CTNNA3: variants seen among roughly 807,000 people sequenced by gnomAD.
CTNNA3 encodes catenin alpha-3.
Under a neutral mutation model 95.7 loss-of-function variants are expected in CTNNA3, and 76 were observed. The ratio of observed to expected loss-of-function variants is 0.79; its 90% CI spans 0.66 to 0.96. The LOEUF is 0.96. Among genes scored for constraint, CTNNA3 ranks in the 40% least tolerant of loss-of-function variants. The probability of loss-of-function intolerance (pLI) is 0.00; values close to 1 mark genes in which losing one functional copy is unlikely to be tolerated. For synonymous variants in CTNNA3, 431 were observed against 374.4 expected, an observed-to-expected ratio of 1.15 and a Z score of -1.74; for missense variants, 1,191 against 1,089.8, an observed-to-expected ratio of 1.09 and a Z score of -1.31.
At chr10:66,635,238 A>T (rs1845294902) in intron 9 of CTNNA3, among the ~76,000 whole-genome samples, 1 of 152,166 alleles carries the variant, frequency 6.6e-6, no homozygotes, top group Admixed American at 6.5e-5. Context: ...GAAGTACCAA[A>T]GAGATGAAAC....
chr10:65,960,394 G>T (rs2077818781), intron 17 of CTNNA3, among the ~76,000 whole-genome samples: 1 of 151,984 alleles, frequency 6.6e-6, no homozygotes, highest in South Asian at 2.1e-4. Context: ...GCGCCGTGGG[G>T]GGCACCTGTA....
chr10:66,668,422 ATGTGTGTGTGTGTGTG>A (rs3055580), intron 9 of CTNNA3, among the ~76,000 whole-genome samples: 1 of 146,914 alleles, frequency 6.8e-6, no homozygotes, highest in Non-Finnish European at 1.5e-5. Flanking sequence ...CAACTCTCAT[ATGTGTGTGTGTGTGTG>A]TGTGTGTGTG....
chr10:67,648,278 C>T (rs1175779375), intron 1 of CTNNA3, among the ~76,000 whole-genome samples: 3 of 152,066 alleles, frequency 2.0e-5, no homozygotes, highest in South Asian at 2.1e-4. Context: ...GTCGGATTAA[C>T]GTTCAAAAAC....
In CTNNA3 at chr10:66,660,926, T is replaced by C. The variant is rs79475516; in HGVS notation, c.1282-39142A>G. Among the ~76,000 whole-genome samples the C allele has an allele frequency of 8.9e-3, 1,361 of 152,294 alleles. 20 individuals are homozygous for C. The highest frequency in any genetic ancestry group is 0.031 in the African/African-American group (1,277 of 41,560). On this transcript the variant is annotated intron_variant, in intron 9 of 17. Transcript: ENST00000433211. ...AGGGATTTCTGTATCTTTTATTCAA[T>C]ATTTTCCCAAGGCCTATGGCAACTA...
chr10:66,219,730 C>T (rs773611042), intron 13 of CTNNA3, among the ~76,000 whole-genome samples: 17 of 152,020 alleles, frequency 1.1e-4, no homozygotes, highest in Non-Finnish European at 2.5e-4. Flanking sequence ...ATTCTTGATC[C>T]ACAGAAACTT....
At chr10:66,392,585 C>T (rs148431810) in intron 11 of CTNNA3, among the ~76,000 whole-genome samples, 3 of 151,908 alleles carry the variant, frequency 2.0e-5, no homozygotes, top group Admixed American at 6.6e-5. Context: ...GCAAAAGATG[C>T]GAGCAGACAC....
At chr10:66,145,293 C>G (rs564686825) in intron 13 of CTNNA3, among the ~76,000 whole-genome samples, 96 of 152,188 alleles carry the variant, frequency 6.3e-4, no homozygotes, top group African/African-American at 2.2e-3. Flanking sequence ...CACACAAAGA[C>G]AAAGGGGAAT....
At chr10:67,370,969 C>T (rs1843418945) in intron 5 of CTNNA3, among the ~76,000 whole-genome samples, 1 of 149,156 alleles carries the variant, frequency 6.7e-6, no homozygotes, top group Admixed American at 6.6e-5. Flanking sequence ...CGGGTTCACG[C>T]CATTCTCCTG....
At chr10:67,099,016 A>G (rs1858176403) in intron 7 of CTNNA3, 1 of 151,852 alleles carries the variant, frequency 6.6e-6, no homozygotes, top group South Asian at 2.1e-4. Flanking sequence ...TTCAATATAG[A>G]TATGAGCCAT....
chr10:67,427,219 C>A (rs984810637), intron 5 of CTNNA3, among the ~76,000 whole-genome samples: 1 of 151,868 alleles, frequency 6.6e-6, no homozygotes, highest in African/African-American at 2.4e-5. Flanking sequence ...ACTGGGCACA[C>A]AGTATGGCTA....
At chr10:66,069,600 C>T (rs2080388335) in intron 14 of CTNNA3, 111 bp from the exon 15 acceptor site, 1 of 734,594 alleles carries the variant, frequency 1.4e-6, no homozygotes, top group Non-Finnish European at 2.2e-6. Context: ...AAATCAGAGG[C>T]ACAATATAGT....
In CTNNA3 at chr10:65,983,615, A is replaced by G. The variant is rs2078367760; in HGVS notation, c.2265+5077T>C. ...AATAGCTATAACAATCTTGTTTTAT[A>G]CAAGGATACTGTCTAAAGGAGACAA... is the stretch of plus-strand genomic sequence containing the variant. On this transcript the variant is annotated intron_variant, in intron 16 of 17. Transcript: ENST00000433211. Among the ~76,000 whole-genome samples, 3 of 151,490 alleles carry G rather than the reference A, an allele frequency of 2.0e-5. No individual in the cohort carries two copies. In the South Asian group the frequency reaches 6.2e-4, roughly 31 times the overall value.
chr10:67,605,344 A>G (rs894717996), intron 3 of CTNNA3, among the ~76,000 whole-genome samples: 6 of 152,218 alleles, frequency 3.9e-5, no homozygotes, highest in Admixed American at 3.9e-4. Flanking sequence ...CAGAGAATAA[A>G]ACAGTATCTA....
intron 7 of CTNNA3, among the ~76,000 whole-genome samples, chr10:67,102,347 A>AACACACAC (rs113804283): frequency 8.7e-4 from 132 of 151,112 alleles, no homozygotes; most frequent in African/African-American, 3.0e-3. Flanking sequence ...AAACCAAGCA[A>AACACACAC]ACACACACAC....
At chr10:66,849,068 C>A (rs1339827985) in intron 7 of CTNNA3, among the ~76,000 whole-genome samples, 1 of 152,198 alleles carries the variant, frequency 6.6e-6, no homozygotes, top group Non-Finnish European at 1.5e-5. Flanking sequence ...GTCCTGCCAT[C>A]TGTTCTTTTT....
intron 11 of CTNNA3, among the ~76,000 whole-genome samples, chr10:66,459,463 T>C (rs964096009): frequency 6.6e-6 from 1 of 152,184 alleles, no homozygotes; most frequent in Non-Finnish European, 1.5e-5. Context: ...CTTTTTACAG[T>C]GGCTGTACTA....
chr10:66,184,159 C>T (rs949489042), intron 13 of CTNNA3, among the ~76,000 whole-genome samples: 4 of 151,588 alleles, frequency 2.6e-5, no homozygotes, highest in Admixed American at 6.6e-5. Context: ...ATTAGCTGGG[C>T]GCGGGGGTGG....
chr10:66,672,850 A>G (rs989743191), intron 9 of CTNNA3, among the ~76,000 whole-genome samples: 1 of 152,126 alleles, frequency 6.6e-6, no homozygotes, highest in Non-Finnish European at 1.5e-5. Flanking sequence ...TTAGATCCAA[A>G]AAGCTCTTAA....
chr10:66,602,374 GC>G (rs1326985191), intron 10 of CTNNA3, among the ~76,000 whole-genome samples: 2 of 151,728 alleles, frequency 1.3e-5, no homozygotes, highest in African/African-American at 4.8e-5. Context: ...AAGTTTTAAA[GC>G]TTTTTTTAAA....
Sources: allele counts gnomAD v4.1 joint callset (sites outside exome capture counted in the v4.1 genomes callset), GRCh38; gene constraint gnomAD v4.1.1; transcripts MANE v1.5; gene names NCBI Gene and HGNC (gene_info 2026-07-23, HGNC 2026-07-21).